The following LRRTM4 variants were observed in gnomAD, a reference collection of about 807,000 sequenced individuals.
LRRTM4 encodes leucine rich repeat transmembrane neuronal 4.
Under a neutral mutation model 47.6 loss-of-function variants are expected in LRRTM4, and 25 were observed. That is an observed-to-expected ratio of 0.53 (90% CI 0.38 to 0.73). The LOEUF (loss-of-function observed/expected upper bound fraction) is 0.73. LRRTM4 is among the 30% of genes least tolerant of loss of function. LRRTM4 has a pLI of 0.00. For synonymous variants in LRRTM4, 311 were observed against 269.5 expected, an observed-to-expected ratio of 1.15 and a Z score of -1.51; for missense variants, 638 against 713.4, an observed-to-expected ratio of 0.89 and a Z score of 1.20.
At chr2:77,048,935 C>A (rs957124224) in intron 3 of LRRTM4, among the ~76,000 whole-genome samples, 17 of 151,286 alleles carry the variant, frequency 1.1e-4, no homozygotes, top group African/African-American at 3.9e-4. Flanking sequence ...ACTCTCTTAT[C>A]CACCCTTTAA....
At chr2:77,265,085 T>C (rs1476899488) in intron 3 of LRRTM4, among the ~76,000 whole-genome samples, 1 of 152,050 alleles carries the variant, frequency 6.6e-6, no homozygotes, top group Non-Finnish European at 1.5e-5. Flanking sequence ...GTCACTATAA[T>C]ATGCTAAGAA....
chr2:76,896,135 A>G (rs527564095), intron 3 of LRRTM4, among the ~76,000 whole-genome samples: 1 of 152,148 alleles, frequency 6.6e-6, no homozygotes, highest in East Asian at 1.9e-4. Flanking sequence ...TTATGGGAAA[A>G]TTTCATAAAA....
intron 3 of LRRTM4, among the ~76,000 whole-genome samples, chr2:76,752,068 T>A (rs896686053): frequency 2.6e-5 from 4 of 152,290 alleles, no homozygotes; most frequent in Middle Eastern, 3.4e-3. Context: ...GGGTTGTGGT[T>A]TTGTTCACCG....
At chr2:77,215,515 AT>A (rs915475564) in intron 3 of LRRTM4, among the ~76,000 whole-genome samples, 6 of 151,394 alleles carry the variant, frequency 4.0e-5, no homozygotes, top group Admixed American at 6.6e-5. Context: ...ATTATGACCT[AT>A]TTTTTTTTCT....
intron 3 of LRRTM4, among the ~76,000 whole-genome samples, chr2:76,929,605 T>C (rs1272777031): frequency 6.6e-6 from 1 of 152,132 alleles, no homozygotes; most frequent in Non-Finnish European, 1.5e-5. Context: ...CTACAGACTT[T>C]AGAAAAAGTG....
At chr2:77,241,970 T>C (rs947604558) in intron 3 of LRRTM4, among the ~76,000 whole-genome samples, 3 of 152,120 alleles carry the variant, frequency 2.0e-5, no homozygotes, top group African/African-American at 7.2e-5. Flanking sequence ...TATTTCTGGG[T>C]TTTCTATTCT....
chr2:76,804,359 AATTTT>A (rs1227185211), intron 3 of LRRTM4, among the ~76,000 whole-genome samples: 7 of 152,028 alleles, frequency 4.6e-5, no homozygotes, highest in African/African-American at 1.7e-4. Flanking sequence ...CGTTGCTTGA[AATTTT>A]ATTTGAAAAC....
chr2:77,109,995 A>G (rs1671206206), intron 3 of LRRTM4, among the ~76,000 whole-genome samples: 1 of 152,134 alleles, frequency 6.6e-6, no homozygotes, highest in Non-Finnish European at 1.5e-5. Flanking sequence ...GAAAGAAAAT[A>G]CAAATCTTAT....
intron 3 of LRRTM4, among the ~76,000 whole-genome samples, chr2:77,515,713 A>C (rs1320811222): frequency 6.6e-6 from 1 of 151,900 alleles, no homozygotes; most frequent in East Asian, 1.9e-4. Context: ...AAAACTCAGC[A>C]TACTTATACT....
At chr2:76,969,941 A>G (rs1233468504) in intron 3 of LRRTM4, among the ~76,000 whole-genome samples, 11 of 151,968 alleles carry the variant, frequency 7.2e-5, no homozygotes, top group African/African-American at 2.2e-4. Context: ...TCTTCAGAAT[A>G]TATCTGTTCT....
intron 3 of LRRTM4, among the ~76,000 whole-genome samples, chr2:77,049,120 TTTTATA>T (rs745608586): frequency 0.17 from 11,059 of 65,548 alleles, 638 homozygotes; most frequent in Admixed American, 0.26. Flanking sequence ...ATATTTCATT[TTTTATA>T]TATATATATA....
intron 3 of LRRTM4, among the ~76,000 whole-genome samples, chr2:77,330,310 C>A (rs1433667918): frequency 1.3e-5 from 2 of 152,024 alleles, no homozygotes; most frequent in South Asian, 4.2e-4. Flanking sequence ...TTACAATGTG[C>A]CCACATGGTT....
rs1674630496 is a variant in LRRTM4, at chr2:76,785,572, C to CTCCTAGTAATTTAACCTGAACATA, written c.1552-36680_1552-36657dup. On this transcript the variant is annotated intron_variant, in intron 3 of 3. Transcript: ENST00000409884. ...AAGGTGTTTCTAGTGTTTAGATTTTCTCCTAGTAATTTAACCTGAACATAT... is the reference window on the plus strand; with the variant it reads ...AAGGTGTTTCTAGTGTTTAGATTTTCTCCTAGTAATTTAACCTGAACATATCCTAGTAATTTAACCTGAACATAT... Among the ~76,000 whole-genome samples the CTCCTAGTAATTTAACCTGAACATA allele has an allele frequency of 3.9e-5, 6 of 152,044 alleles. No individual in the cohort carries two copies. In the South Asian group the frequency reaches 1.2e-3, roughly 32 times the overall value.
intron 3 of LRRTM4, among the ~76,000 whole-genome samples, chr2:77,441,114 T>C (rs1442628926): frequency 6.6e-6 from 1 of 152,232 alleles, no homozygotes; most frequent in African/African-American, 2.4e-5. Context: ...GTTTAGTGCC[T>C]AAACATTCCT....
chr2:76,860,151 T>A (rs1009964743), intron 3 of LRRTM4, among the ~76,000 whole-genome samples: 2 of 152,128 alleles, frequency 1.3e-5, no homozygotes, highest in African/African-American at 4.8e-5. Flanking sequence ...TACAATATAT[T>A]CTAATGATAT....
At chr2:77,293,612 C>T (rs370042283) in intron 3 of LRRTM4, among the ~76,000 whole-genome samples, 3 of 152,040 alleles carry the variant, frequency 2.0e-5, no homozygotes, top group African/African-American at 4.8e-5. Flanking sequence ...AAAAGAAAAA[C>T]GAACATACAT....
intron 3 of LRRTM4, among the ~76,000 whole-genome samples, chr2:77,503,519 A>G (rs1678651839): frequency 6.6e-6 from 1 of 151,732 alleles, no homozygotes; most frequent in South Asian, 2.1e-4. Flanking sequence ...ATATTTATAC[A>G]TGTGGGGAAC....
rs1553418451 is a variant in LRRTM4 at position 76,843,908 on chromosome 2, C to CA, written c.1552-94993dup. ...ATTAATGATAATTTCTTTCTTTTTT[C>CA]ATTTTTTTTTTTTTTTTGAGATGGA... On this transcript the variant is annotated intron_variant, in intron 3 of 3. Transcript: ENST00000409884. Among the ~76,000 whole-genome samples the CA allele has an allele frequency of 4.1e-5, 6 of 145,374 alleles. No individual in the cohort carries two copies. The East Asian group carries it at 1.2e-3, about 30-fold the overall frequency.
intron 3 of LRRTM4, among the ~76,000 whole-genome samples, chr2:77,419,963 A>G (rs1046990030): frequency 1.3e-5 from 2 of 152,194 alleles, no homozygotes; most frequent in Non-Finnish European, 2.9e-5. Flanking sequence ...ACAGTTTCTG[A>G]AGGTGGGAAT....
Sources: allele counts gnomAD v4.1 joint callset (sites outside exome capture counted in the v4.1 genomes callset), GRCh38; gene constraint gnomAD v4.1.1; transcripts MANE v1.5; gene names NCBI Gene and HGNC (gene_info 2026-07-23, HGNC 2026-07-21).